NAA11: variants seen among roughly 807,000 people sequenced by gnomAD.
The protein encoded by NAA11 is N-alpha-acetyltransferase 11.
Under a neutral mutation model 16.1 loss-of-function variants are expected in NAA11, and 15 were observed. That is an observed-to-expected ratio of 0.93 (90% confidence interval 0.62 to 1.44). NAA11 has a LOEUF of 1.44. Among genes scored for constraint, NAA11 ranks in the 40% most tolerant of loss-of-function variants. The probability of loss-of-function intolerance (pLI) is 0.00; values close to 1 mark genes in which losing one functional copy is unlikely to be tolerated. For synonymous variants in NAA11, 122 were observed against 112.4 expected (o/e 1.09, Z -0.54); for missense variants, 298 against 291.3 (o/e 1.02, Z -0.17).
downstream of NAA11, among the ~76,000 whole-genome samples, chr4:79,314,086 A>G (rs561216689): frequency 1.3e-5 from 2 of 152,302 alleles, no homozygotes; most frequent in Admixed American, 1.3e-4. Context: ...AAAAAGCCCT[A>G]AAAAATAACA....
intron 2 of NAA11, among the ~76,000 whole-genome samples, chr4:79,286,364 G>A (rs1348324778): frequency 6.6e-6 from 1 of 152,016 alleles, no homozygotes; most frequent in Non-Finnish European, 1.5e-5. Flanking sequence ...ATGAGGATGA[G>A]GTGGGCAAAT....
At chr4:79,226,501 C>G (rs1442952204) in intron 2 of NAA11, among the ~76,000 whole-genome samples, 1 of 151,952 alleles carries the variant, frequency 6.6e-6, no homozygotes, top group Non-Finnish European at 1.5e-5. Context: ...CATATGCATA[C>G]ACGTGCCATG....
chr4:79,176,109 G>T, the NAA11 span, among the ~76,000 whole-genome samples: 2 of 152,122 alleles, frequency 1.3e-5, no homozygotes, highest in African/African-American at 4.8e-5. Context: ...AAAGGAATCA[G>T]ATGGCAAATA....
At chr4:79,202,287 T>A in the NAA11 span, among the ~76,000 whole-genome samples, 68 of 151,620 alleles carry the variant, frequency 4.5e-4, no homozygotes, top group African/African-American at 1.6e-3. Flanking sequence ...TAAAATTCTG[T>A]CATTTGCAAC....
the NAA11 span, among the ~76,000 whole-genome samples, chr4:79,164,959 A>G: frequency 6.6e-6 from 1 of 152,220 alleles, no homozygotes; most frequent in African/African-American, 2.4e-5. Context: ...AAGCTTCATT[A>G]TGAACGTAAT....
At chr4:79,218,755 C>A in the NAA11 span, among the ~76,000 whole-genome samples, 2 of 152,084 alleles carry the variant, frequency 1.3e-5, no homozygotes, top group South Asian at 2.1e-4. Context: ...ATAAAATCAA[C>A]CTGATTTCAA....
chr4:79,271,981 C>CAT (rs111391052), intron 2 of NAA11, among the ~76,000 whole-genome samples: 48 of 150,736 alleles, frequency 3.2e-4, no homozygotes, highest in African/African-American at 9.7e-4. Flanking sequence ...TCCTGACAAA[C>CAT]ATATATATAT....
the NAA11 span, among the ~76,000 whole-genome samples, chr4:79,184,501 C>T: frequency 2.6e-4 from 39 of 152,290 alleles, no homozygotes; most frequent in Non-Finnish European, 3.8e-4. Context: ...ACTTCTGATT[C>T]GGTTTGTTCT....
At chr4:79,313,788 G>A (rs573158027), downstream of NAA11, among the ~76,000 whole-genome samples, 1 of 152,276 alleles carries the variant, frequency 6.6e-6, no homozygotes, top group Admixed American at 6.5e-5. Context: ...CTGGATTTTG[G>A]CTGGGTACTG....
At chr4:79,156,220 A>G in the NAA11 span, among the ~76,000 whole-genome samples, 1 of 152,142 alleles carries the variant, frequency 6.6e-6, no homozygotes, top group Admixed American at 6.6e-5. Flanking sequence ...TGAAACCCAT[A>G]TGCTGAAATT....
At chr4:79,158,401 C>T in the NAA11 span, among the ~76,000 whole-genome samples, 1 of 152,026 alleles carries the variant, frequency 6.6e-6, no homozygotes, top group African/African-American at 2.4e-5. Context: ...ATATACCTAA[C>T]TGAGGAAATG....
At chr4:79,166,042 G>A in the NAA11 span, among the ~76,000 whole-genome samples, 1 of 152,088 alleles carries the variant, frequency 6.6e-6, no homozygotes, top group African/African-American at 2.4e-5. Flanking sequence ...TTTACCTATA[G>A]GTGGTAGGAT....
downstream of NAA11, among the ~76,000 whole-genome samples, chr4:79,312,760 G>A (rs555349871): frequency 5.3e-4 from 81 of 151,992 alleles, no homozygotes; most frequent in African/African-American, 1.8e-3. Flanking sequence ...GATTAGCTGG[G>A]ATTACAGGTA....
intron 2 of NAA11, among the ~76,000 whole-genome samples, chr4:79,291,395 C>T (rs918503023): frequency 1.3e-5 from 2 of 151,384 alleles, no homozygotes; most frequent in Admixed American, 6.6e-5. Flanking sequence ...CCCAAGAGAT[C>T]GAGGCTGAAG....
intron 2 of NAA11, among the ~76,000 whole-genome samples, chr4:79,293,530 G>A (rs990981186): frequency 6.6e-6 from 1 of 152,156 alleles, no homozygotes; most frequent in African/African-American, 2.4e-5. Context: ...ATACAGATAA[G>A]GAAAATGAAG....
chr4:79,291,720 CA>C (rs1010025223), intron 2 of NAA11, among the ~76,000 whole-genome samples: 5 of 150,370 alleles, frequency 3.3e-5, no homozygotes, highest in Non-Finnish European at 7.4e-5. Context: ...AACTCCGTCT[CA>C]AAAAAGAAAC....
chr4:79,315,942 T>C (rs1163151775), downstream of NAA11, among the ~76,000 whole-genome samples: 2 of 152,194 alleles, frequency 1.3e-5, no homozygotes, highest in Non-Finnish European at 2.9e-5. Flanking sequence ...GGAAAGAAGA[T>C]ATAATGATAA....
chr4:79,242,497 A>G (rs1006521196), intron 2 of NAA11, among the ~76,000 whole-genome samples: 3 of 152,246 alleles, frequency 2.0e-5, no homozygotes, highest in Non-Finnish European at 4.4e-5. Flanking sequence ...GTCTTTTCCA[A>G]TGAAGTCTGA....
the NAA11 span, among the ~76,000 whole-genome samples, chr4:79,204,928 T>TATACACAC: frequency 2.0e-3 from 293 of 147,904 alleles, 1 homozygote; most frequent in African/African-American, 4.1e-3. Flanking sequence ...ATGGTGTGTA[T>TATACACAC]ACACACACAC....
Sources: allele counts gnomAD v4.1 joint callset (sites outside exome capture counted in the v4.1 genomes callset), GRCh38; gene constraint gnomAD v4.1.1; transcripts MANE v1.5; gene names NCBI Gene and HGNC (gene_info 2026-07-23, HGNC 2026-07-21).